The following NBAS variants were observed in gnomAD, a reference collection of about 807,000 sequenced individuals.
NBAS encodes NBAS subunit of NRZ tethering complex.
A neutral mutation model predicts 302.5 loss-of-function variants in NBAS; 219 were observed. The ratio of observed to expected loss-of-function variants is 0.72; its 90% confidence interval spans 0.65 to 0.81. The LOEUF is 0.81. Among genes scored for constraint, NBAS ranks in the 30% least tolerant of loss-of-function variants. NBAS has a pLI of 0.00. For synonymous variants in NBAS, 1,118 were observed against 1,021.6 expected, an observed-to-expected ratio of 1.09 and a Z score of -1.80; for missense variants, 2,932 against 2,841.6, an observed-to-expected ratio of 1.03 and a Z score of -0.72.
At chr2:15,386,802 T>A (rs1675319805) in intron 28 of NBAS, among the ~76,000 whole-genome samples, 1 of 152,176 alleles carries the variant, frequency 6.6e-6, no homozygotes, top group Non-Finnish European at 1.5e-5. Flanking sequence ...TGTTGCCAAT[T>A]TTTCTTTTCT....
intron 9 of NBAS, among the ~76,000 whole-genome samples, chr2:15,527,016 G>T (rs1167879050): frequency 1.3e-5 from 2 of 151,042 alleles, no homozygotes; most frequent in Non-Finnish European, 2.9e-5. Flanking sequence ...CAAGAGAGTG[G>T]AGTAGTCAGT....
the NBAS span, among the ~76,000 whole-genome samples, chr2:14,790,983 G>A: frequency 2.0e-5 from 3 of 152,162 alleles, no homozygotes; most frequent in Non-Finnish European, 4.4e-5. Context: ...AGCCTCCTGA[G>A]TAGCTGGGAT....
intron 6 of NBAS, among the ~76,000 whole-genome samples, chr2:15,546,756 T>C (rs1357791308): frequency 6.6e-6 from 1 of 152,164 alleles, no homozygotes; most frequent in Non-Finnish European, 1.5e-5. Flanking sequence ...CAAGTCTGGG[T>C]GTTTCAAATA....
chr2:15,364,959 G>A (rs1316999373), intron 32 of NBAS, among the ~76,000 whole-genome samples: 1 of 152,086 alleles, frequency 6.6e-6, no homozygotes, highest in Non-Finnish European at 1.5e-5. Context: ...CACTCTATAA[G>A]GTAAAGGCCA....
At chr2:15,205,878 ACTT>A (rs2147846887) in intron 48 of NBAS, among the ~76,000 whole-genome samples, 1 of 152,264 alleles carries the variant, frequency 6.6e-6, no homozygotes, top group African/African-American at 2.4e-5. Context: ...AATCAATTAA[ACTT>A]CTTTTCTTTA....
chr2:14,885,075 TC>T, the NBAS span, among the ~76,000 whole-genome samples: 1 of 152,142 alleles, frequency 6.6e-6, no homozygotes, highest in African/African-American at 2.4e-5. Flanking sequence ...TATTCCAAGT[TC>T]AATGAGCAGT....
intron 40 of NBAS, among the ~76,000 whole-genome samples, chr2:15,307,711 A>G (rs1671090399): frequency 6.6e-6 from 1 of 152,204 alleles, no homozygotes; most frequent in Non-Finnish European, 1.5e-5. Context: ...GGAAATTAAC[A>G]ATAAAGTTAC....
chr2:15,073,467 A>G, the NBAS span, among the ~76,000 whole-genome samples: 1 of 135,316 alleles, frequency 7.4e-6, no homozygotes, highest in East Asian at 2.1e-4. Flanking sequence ...CAAGAGTGAA[A>G]CTCCTTCTCA....
chr2:14,801,006 T>A, the NBAS span, among the ~76,000 whole-genome samples: 10 of 152,240 alleles, frequency 6.6e-5, no homozygotes, highest in Admixed American at 6.5e-4. Flanking sequence ...TTGAAAGATC[T>A]TTTCACTGGG....
intron 51 of NBAS, among the ~76,000 whole-genome samples, chr2:15,167,830 G>A (rs1664104632): frequency 1.3e-5 from 2 of 152,034 alleles, no homozygotes; most frequent in South Asian, 2.1e-4. Context: ...TATCTTTCTT[G>A]AATATAAATA....
At chr2:15,374,754 C>A (rs1418005003) in intron 30 of NBAS, 34 bp from the exon 31 acceptor site, 1 of 1,545,334 alleles carries the variant, frequency 6.5e-7, no homozygotes, top group Admixed American at 1.7e-5. Context: ...TAAAAAGAAG[C>A]AACATATGTT....
intron 23 of NBAS, 89 bp downstream of exon 23, chr2:15,424,226 G>A (rs1373644691): frequency 1.4e-5 from 20 of 1,433,772 alleles, no homozygotes; most frequent in Non-Finnish European, 1.9e-5. Flanking sequence ...TTCCTGCACT[G>A]CTGTCAGCCC....
At chr2:15,376,365 C>T (rs1468301964) in intron 30 of NBAS, among the ~76,000 whole-genome samples, 1 of 152,016 alleles carries the variant, frequency 6.6e-6, no homozygotes, top group Non-Finnish European at 1.5e-5. Flanking sequence ...ATAGAAGGAC[C>T]GGCTTTTTAA....
the NBAS span, among the ~76,000 whole-genome samples, chr2:14,779,573 C>T: frequency 3.0e-4 from 46 of 152,246 alleles, no homozygotes; most frequent in African/African-American, 1.1e-3. Flanking sequence ...GCCTGCTATC[C>T]GCTCTGCCTA....
At chr2:15,274,575 G>A (rs536465533) in intron 44 of NBAS, among the ~76,000 whole-genome samples, 1 of 152,184 alleles carries the variant, frequency 6.6e-6, no homozygotes, top group Non-Finnish European at 1.5e-5. Flanking sequence ...TCTAGGTGAG[G>A]GGGCAGGAAA....
the NBAS span, among the ~76,000 whole-genome samples, chr2:14,799,440 C>T: frequency 6.6e-6 from 1 of 151,960 alleles, no homozygotes; most frequent in East Asian, 1.9e-4. Flanking sequence ...TTCTTTGAAT[C>T]CTTTTTAATT....
chr2:15,530,161 T>C (rs1663153369), intron 9 of NBAS, among the ~76,000 whole-genome samples: 1 of 152,126 alleles, frequency 6.6e-6, no homozygotes, highest in Non-Finnish European at 1.5e-5. Context: ...GCCACACATA[T>C]CAAAAGGAGT....
At position 15,166,948 on chromosome 2, in the gene NBAS, G is replaced by T; in HGVS notation, c.*100C>A. The T allele has an allele frequency of 7.1e-7, 1 of 1,408,632 alleles. No individual in the cohort carries two copies. The allele number at this position is 1,408,632 out of a possible 1,614,324, so 87.3% of individuals were successfully genotyped here. A position where few individuals can be genotyped will look rare whatever the true frequency, so the allele number is the denominator to read the frequency against. Reference sequence around the variant, plus strand: ...CATACAGTTTTATTTGCAATTTGTTGGAACCATGGAGAACAATCGGCAGAT... The same window carrying T: ...CATACAGTTTTATTTGCAATTTGTTTGAACCATGGAGAACAATCGGCAGAT... On this transcript the variant is annotated 3_prime_UTR_variant, in exon 52 of 52. Transcript: ENST00000281513.
At chr2:15,473,930 T>C (rs1680071142) in intron 15 of NBAS, 137 bp downstream of exon 15, 6 of 1,052,970 alleles carry the variant, frequency 5.7e-6, no homozygotes, top group Non-Finnish European at 8.3e-6. Context: ...AAAAGCTTTA[T>C]AGAACTGATA....
Sources: gnomAD v4.1 joint callset for allele counts (sites outside exome capture counted in the v4.1 genomes callset) on GRCh38, gnomAD v4.1.1 for gene constraint, MANE v1.5 for transcripts, NCBI Gene and HGNC (gene_info 2026-07-23, HGNC 2026-07-21) for gene names.